The following FSIP1 variants were observed in gnomAD, a reference collection of about 807,000 sequenced individuals.
FSIP1 encodes the protein fibrous sheath-interacting protein 1.
In FSIP1, 65 loss-of-function variants were observed where a neutral mutation model predicts 60.9. The ratio of observed to expected loss-of-function variants is 1.07; its 90% CI spans 0.87 to 1.31. FSIP1 has a LOEUF of 1.31. Among genes scored for constraint, FSIP1 ranks in the 40% most tolerant of loss-of-function variants. The pLI is 0.00. For missense variants in FSIP1, 675 were observed against 665.5 expected (o/e 1.01, Z -0.16); for synonymous variants, 209 against 221.2 (o/e 0.94, Z 0.49).
chr15:39,765,110 C>G (rs1271965490), intron 4 of FSIP1, among the ~76,000 whole-genome samples: 1 of 152,040 alleles, frequency 6.6e-6, no homozygotes. Flanking sequence ...AGAAAAATAT[C>G]ACCCCATGAC....
chr15:39,709,799 T>C (rs1047516510), intron 10 of FSIP1, among the ~76,000 whole-genome samples: 2 of 152,162 alleles, frequency 1.3e-5, no homozygotes, highest in African/African-American at 4.8e-5. Context: ...TATGAGAATC[T>C]AATGCCACTG....
At chr15:39,625,840 C>T (rs1891617688) in intron 10 of FSIP1, among the ~76,000 whole-genome samples, 1 of 152,212 alleles carries the variant, frequency 6.6e-6, no homozygotes, top group Non-Finnish European at 1.5e-5. Flanking sequence ...CTGGAACCTA[C>T]TCCACCCCCT....
At chr15:39,669,169 G>C (rs1481793606) in intron 10 of FSIP1, among the ~76,000 whole-genome samples, 1 of 152,154 alleles carries the variant, frequency 6.6e-6, no homozygotes, top group Non-Finnish European at 1.5e-5. Context: ...GCTTGCCTGA[G>C]CTCTCCCACT....
chr15:39,710,720 C>T (rs1895472170), intron 10 of FSIP1, among the ~76,000 whole-genome samples: 1 of 152,216 alleles, frequency 6.6e-6, no homozygotes, highest in South Asian at 2.1e-4. Flanking sequence ...ATCCTACCTC[C>T]TCCACTTACT....
In FSIP1 at chr15:39,725,000, A is replaced by C. The variant is rs148255738; in HGVS notation, c.1050+1589T>G. On this transcript the variant is annotated intron_variant, in intron 9 of 11. Transcript: ENST00000350221. ...GTAATCCCAGCACTTTGGGAGGCAA[A>C]GGCAGGCGGATCACGAGGTCAGGAG... is the stretch of plus-strand genomic sequence containing the variant. Among the ~76,000 whole-genome samples, 868 of 152,304 alleles carry C rather than the reference A, an allele frequency of 5.7e-3. 12 individuals carry two copies. The highest frequency in any genetic ancestry group is 0.02 in the African/African-American group (820 of 41,560).
rs181223930 is a variant in FSIP1, at chr15:39,678,764, T to A, written c.1188+34680A>T. 3.6e-3 allele frequency among the ~76,000 whole-genome samples: 545 copies of A among 152,342 alleles called. 5 individuals carry two copies. Among genetic ancestry groups the A allele is most frequent in the Non-Finnish European group, 5.8e-3 (392 of 68,036 alleles). Reference sequence around the variant, plus strand: ...ATTCTGGGCTCATCTGATGAAAACATTCCATCCCTATTGGAAAACAATCTG... The same window carrying A: ...ATTCTGGGCTCATCTGATGAAAACAATCCATCCCTATTGGAAAACAATCTG... On this transcript the variant is annotated intron_variant, in intron 10 of 11. Transcript: ENST00000350221.
chr15:39,689,184 C>G lies in FSIP1; in HGVS notation c.1188+24260G>C, dbSNP rs141989446. Among the ~76,000 whole-genome samples, 535 of 152,202 alleles carry G rather than the reference C, an allele frequency of 3.5e-3. 4 individuals carry two copies. Among genetic ancestry groups the G allele is most frequent in the African/African-American group, 0.012 (505 of 41,526 alleles). ...ACTACTGAGGAACAGCCAAACGGAA[C>G]AGATGCATAGGGAGATGTACGTGGA... On this transcript the variant is annotated intron_variant, in intron 10 of 11. Transcript: ENST00000350221.
At chr15:39,753,878 T>C (rs971405729) in intron 5 of FSIP1, among the ~76,000 whole-genome samples, 2 of 152,052 alleles carry the variant, frequency 1.3e-5, no homozygotes, top group Non-Finnish European at 2.9e-5. Flanking sequence ...TCTATGTCAT[T>C]AATAACCCTT....
At chr15:39,607,344 G>A (rs572208042) in intron 11 of FSIP1, among the ~76,000 whole-genome samples, 5 of 152,248 alleles carry the variant, frequency 3.3e-5, no homozygotes, top group East Asian at 1.9e-4. Flanking sequence ...CTGCCCACCC[G>A]GATCATGACA....
chr15:39,630,759 T>C (rs1470505895), intron 10 of FSIP1, among the ~76,000 whole-genome samples: 1 of 152,220 alleles, frequency 6.6e-6, no homozygotes, highest in Non-Finnish European at 1.5e-5. Flanking sequence ...ACTAATTGTC[T>C]TCAGACAGAT....
At chr15:39,659,271 C>T (rs7167100) in intron 10 of FSIP1, among the ~76,000 whole-genome samples, 8 of 152,096 alleles carry the variant, frequency 5.3e-5, no homozygotes, top group East Asian at 3.9e-4. Context: ...GGCTGGACGC[C>T]GTGGCTCACA....
intron 5 of FSIP1, among the ~76,000 whole-genome samples, chr15:39,749,145 G>T (rs1276162640): frequency 6.6e-6 from 1 of 150,500 alleles, no homozygotes; most frequent in Admixed American, 6.6e-5. Context: ...TAAACACAGA[G>T]ATTGAAGTAG....
At chr15:39,726,852 A>AAC (rs3065147) in intron 8 of FSIP1, 105 bp from the exon 9 acceptor site, 62,984 of 620,236 alleles carry the variant, frequency 0.1, 2,316 homozygotes, top group African/African-American at 0.26. Flanking sequence ...TACACACACA[A>AAC]ACACACACAC....
At chr15:39,609,267 T>C (rs1017170457) in intron 11 of FSIP1, among the ~76,000 whole-genome samples, 2 of 152,160 alleles carry the variant, frequency 1.3e-5, no homozygotes, top group Non-Finnish European at 1.5e-5. Context: ...GCAGGAAGTA[T>C]AGTCAACTGA....
At chr15:39,603,703 A>G (rs952075962) in intron 11 of FSIP1, among the ~76,000 whole-genome samples, 11 of 152,220 alleles carry the variant, frequency 7.2e-5, no homozygotes, top group African/African-American at 2.7e-4. Flanking sequence ...ATGTGGATGC[A>G]GCAGTATCTT....
intron 7 of FSIP1, 67 bp from the exon 8 acceptor site, chr15:39,738,268 G>T: frequency 1.0e-6 from 1 of 998,852 alleles, no homozygotes. Context: ...AAAAAAAAAT[G>T]GAATCTGAGA....
At chr15:39,780,315 A>C (rs1035474296) in intron 1 of FSIP1, among the ~76,000 whole-genome samples, 1 of 152,128 alleles carries the variant, frequency 6.6e-6, no homozygotes, top group African/African-American at 2.4e-5. Flanking sequence ...CGAGGTCAGG[A>C]GGATCAAGAA....
chr15:39,656,509 G>A (rs1229685127), intron 10 of FSIP1, among the ~76,000 whole-genome samples: 2 of 152,142 alleles, frequency 1.3e-5, no homozygotes, highest in African/African-American at 2.4e-5. Context: ...TCAAGCAAAA[G>A]ACCTGGGTTC....
intron 5 of FSIP1, among the ~76,000 whole-genome samples, chr15:39,762,219 C>T (rs766870807): frequency 6.6e-6 from 1 of 152,202 alleles, no homozygotes; most frequent in Non-Finnish European, 1.5e-5. Context: ...CTCTACAGTT[C>T]TACAAGATAT....
Sources: gnomAD v4.1 joint callset for allele counts (sites outside exome capture counted in the v4.1 genomes callset) on GRCh38, gnomAD v4.1.1 for gene constraint, MANE v1.5 for transcripts, NCBI Gene and HGNC (gene_info 2026-07-23, HGNC 2026-07-21) for gene names.